Variants in AKAP9 observed in about 807,000 individuals in gnomAD.
AKAP9 encodes A-kinase anchor protein 9.
In AKAP9, 311 loss-of-function variants were observed where a neutral mutation model predicts 488.5. The observed-to-expected ratio is 0.64, with a 90% CI of 0.58 to 0.70. The LOEUF (loss-of-function observed/expected upper bound fraction) is 0.70, where lower values mean the gene tolerates loss of function less well. Among genes scored for constraint, AKAP9 ranks in the 30% least tolerant of loss-of-function variants. The pLI, the probability that AKAP9 is intolerant of heterozygous loss-of-function variation, is 0.00. For synonymous variants in AKAP9, 1,462 were observed against 1,483.5 expected (o/e 0.99, Z 0.33); for missense variants, 4,215 against 4,374.5 (o/e 0.96, Z 1.03).
chr7:92,030,172 C>T (rs1411568889), intron 15 of AKAP9, among the ~76,000 whole-genome samples, 181 bp downstream of exon 15: 6 of 152,138 alleles, frequency 3.9e-5, no homozygotes, highest in Non-Finnish European at 8.8e-5. Context: ...ATTTTTATAG[C>T]ATAGGTAACA....
chr7:92,006,132 T>C (rs560681988), intron 8 of AKAP9, among the ~76,000 whole-genome samples: 94 of 152,170 alleles, frequency 6.2e-4, no homozygotes, highest in African/African-American at 2.3e-3. Flanking sequence ...ATTTTCTTAT[T>C]AGGAATTCTA....
In AKAP9 at chr7:92,097,291, G is replaced by T. The variant is rs981017281; in HGVS notation, c.10332G>T (p.Gln3444His). Residue 3444 changes from glutamine (Q) to histidine (H), a missense_variant, in exon 41 of 50, where the codon CAG becomes CAT. Gln to His is a conservative substitution (Grantham distance 24). Coordinates refer to ENST00000356239, the MANE Select transcript of AKAP9 (RefSeq NM_005751.5). ...QRLQGIMQEFQKQELEREEKR... is the reference protein window; with the variant it reads ...QRLQGIMQEFHKQELEREEKR... The stretch of plus-strand genomic sequence containing the variant: ...TACAAGGAATCATGCAGGAATTCCA[G>T]AAGCAAGAACTAGAACGAGAAGAAA... 38 of 1,613,786 alleles carry T rather than the reference G, an allele frequency of 2.4e-5. No homozygotes were observed. The highest frequency in any genetic ancestry group is 3.2e-5 in the Non-Finnish European group (38 of 1,180,016).
rs1474887511 is a variant in AKAP9 at position 91,994,667 on chromosome 7, C to G, written c.623C>G (p.Thr208Ser). The change falls in exon 6 of 50, where the codon ACC becomes AGC. Residue 208 changes from threonine (T) to serine (S), a missense_variant. This residue lies in a region of AKAP9 where 2,361 missense variants were observed against 2,430.0 expected (regional missense o/e 0.97). Transcript: ENST00000356239. ...AAIKQRDGII[T>S]QLTANLQQAR... ...ATTAAACAAAGAGATGGCATTATAACCCAGCTCACTGCTAATTTACAACAA... is the reference window on the plus strand; with the variant it reads ...ATTAAACAAAGAGATGGCATTATAAGCCAGCTCACTGCTAATTTACAACAA... 6.2e-7 allele frequency: 1 copy of G among 1,613,260 alleles called. No homozygotes were observed. The highest frequency in any genetic ancestry group is 1.7e-5 in the Admixed American group (1 of 59,976).
At chr7:92,093,044 A>T in intron 38 of AKAP9, 53 bp from the exon 39 acceptor site, 2 of 1,467,836 alleles carry the variant, frequency 1.4e-6, no homozygotes, top group Non-Finnish European at 1.9e-6. Flanking sequence ...ATATTTATAA[A>T]CCAAATATGA....
intron 1 of AKAP9, among the ~76,000 whole-genome samples, chr7:91,970,135 T>G (rs1794873593): frequency 6.6e-6 from 1 of 152,166 alleles, no homozygotes; most frequent in Non-Finnish European, 1.5e-5. Context: ...TTCAAGCAGT[T>G]ATTTTAATGA....
chr7:92,066,928 A>C (rs1286002500), intron 26 of AKAP9, among the ~76,000 whole-genome samples: 1 of 151,946 alleles, frequency 6.6e-6, no homozygotes, highest in Non-Finnish European at 1.5e-5. Context: ...TATACCTTCT[A>C]CTCCATTTAA....
chr7:91,980,495 C>CTTTTTTTTTTTTTTTTTTTTT (rs60385804), intron 3 of AKAP9, among the ~76,000 whole-genome samples, 162 bp downstream of exon 3: 4 of 48,756 alleles, frequency 8.2e-5, no homozygotes, highest in Admixed American at 4.0e-4. Context: ...GTATTACTGA[C>CTTTTTTTTTTTTTTTTTTTTT]TTTTTTTTTT....
chr7:92,042,567 C>G, intron 19 of AKAP9, 101 bp from the exon 20 acceptor site: 1 of 820,492 alleles, frequency 1.2e-6, no homozygotes, highest in East Asian at 2.5e-5. Context: ...ACAGAGGTTT[C>G]TATTTTATCT....
At chr7:92,014,153 A>G in intron 9 of AKAP9, 96 bp from the exon 10 acceptor site, 1 of 800,464 alleles carries the variant, frequency 1.2e-6, no homozygotes, top group Non-Finnish European at 2.1e-6. Context: ...AATGATTCTT[A>G]TTGCAGGGGA....
chr7:92,108,019 CAA>C (rs60351982), intron 48 of AKAP9: 2,457 of 143,502 alleles, frequency 0.017, 1 homozygote, highest in South Asian at 0.044. Context: ...ATTTGGTCTC[CAA>C]AAAAAAAAAA....
intron 38 of AKAP9, 124 bp from the exon 39 acceptor site, chr7:92,092,973 A>G (rs1815892138): frequency 2.4e-6 from 2 of 844,276 alleles, no homozygotes; most frequent in Non-Finnish European, 1.8e-6. Flanking sequence ...TCTTGGGACT[A>G]TAATTTTTCA....
chr7:91,994,320 C>T (rs980728220), intron 5 of AKAP9, among the ~76,000 whole-genome samples: 2 of 152,100 alleles, frequency 1.3e-5, no homozygotes, highest in African/African-American at 2.4e-5. Flanking sequence ...TGGAATTAAA[C>T]ATGTCTAGGG....
chr7:92,097,176 A>G lies in AKAP9; in HGVS notation c.10217A>G (p.His3406Arg). 6.2e-7 allele frequency: 1 copy of G among 1,613,980 alleles called. No individual in the cohort carries two copies. The highest frequency in any genetic ancestry group is 8.5e-7 in the Non-Finnish European group (1 of 1,179,952). Reference sequence around the variant, plus strand: ...AACACTGAGGGACAGAAAAAAATGCATGAGCTCCAGTCCAAAGTGGAAGAT... The same window carrying G: ...AACACTGAGGGACAGAAAAAAATGCGTGAGCTCCAGTCCAAAGTGGAAGAT... ...EANTEGQKKMHELQSKVEDLQ... is the reference protein window; with the variant it reads ...EANTEGQKKMRELQSKVEDLQ... Residue 3406 changes from histidine (H) to arginine (R), a missense_variant, in exon 41 of 50, where the codon CAT becomes CGT. Physicochemically the swap from His to Arg is conservative, Grantham distance 29 (BLOSUM62 0). This residue lies in a region of AKAP9 where 1,476 missense variants were observed against 1,477.4 expected (regional missense o/e 1.00). Coordinates refer to ENST00000356239, the MANE Select transcript of AKAP9 (RefSeq NM_005751.5).
rs1396413930 is a variant in AKAP9 at position 92,038,554 on chromosome 7, A to C, written c.4474A>C (p.Lys1492Gln). 1.9e-6 allele frequency: 3 copies of C among 1,613,992 alleles called. No homozygotes were observed. The highest frequency in any genetic ancestry group is 2.2e-5 in the South Asian group (2 of 91,078). The change falls in exon 17 of 50, where the codon AAA (lysine) becomes CAA (glutamine). Residue 1492 changes from lysine (K) to glutamine (Q), a missense_variant. Around this residue, in one of 5 missense-constraint regions of AKAP9, gnomAD observed 2,361 missense variants for 2,430.0 expected, o/e 0.97. Transcript: ENST00000356239. ...QQEQHYFNEM[K>Q]LSQDQIGFQT... ...AGAACAACATTATTTTAATGAAATG[A>C]AATTATCACAGGATCAAATTGGTTT...
At chr7:92,029,618 CA>C (rs1291227684) in intron 14 of AKAP9, among the ~76,000 whole-genome samples, 1 of 151,894 alleles carries the variant, frequency 6.6e-6, no homozygotes, top group African/African-American at 2.4e-5. Flanking sequence ...CCCATCTTTC[CA>C]AAAAAACAGT....
intron 8 of AKAP9, among the ~76,000 whole-genome samples, chr7:92,009,679 A>G (rs955056103): frequency 6.6e-6 from 1 of 152,226 alleles, no homozygotes; most frequent in Non-Finnish European, 1.5e-5. Flanking sequence ...TACAATATTG[A>G]TACGAAGACC....
chr7:92,082,695 A>G, intron 32 of AKAP9, 33 bp downstream of exon 32: 6 of 1,609,444 alleles, frequency 3.7e-6, no homozygotes, highest in Non-Finnish European at 4.3e-6. Context: ...TAATTCACTC[A>G]TTTCTACCTA....
At chr7:92,033,965 T>C (rs1398291544) in intron 16 of AKAP9, among the ~76,000 whole-genome samples, 2 of 152,112 alleles carry the variant, frequency 1.3e-5, no homozygotes, top group Non-Finnish European at 2.9e-5. Context: ...TTGGTACAGA[T>C]AGACAACATA....
chr7:92,042,025 A>G, intron 18 of AKAP9, 21 bp from the exon 19 acceptor site: 1 of 1,612,462 alleles, frequency 6.2e-7, no homozygotes, highest in Non-Finnish European at 8.5e-7. Context: ...GTATTCTTTC[A>G]TGACCTTTTT....
Sources: gnomAD v4.1 joint callset for allele counts (sites outside exome capture counted in the v4.1 genomes callset) on GRCh38, gnomAD v4.1.1 for gene constraint, gnomAD v4.1.1 regional missense constraint, MANE v1.5 for transcripts, NCBI Gene and HGNC (gene_info 2026-07-23, HGNC 2026-07-21) for gene names.